Variants in ROBO1 observed in about 807,000 individuals in gnomAD.
ROBO1 encodes roundabout homolog 1.
Under a neutral mutation model 195.9 loss-of-function variants are expected in ROBO1, and 149 were observed. The ratio of observed to expected loss-of-function variants is 0.76; its 90% CI spans 0.67 to 0.87. The LOEUF is 0.87. Among genes scored for constraint, ROBO1 ranks in the 40% least tolerant of loss-of-function variants. The pLI is 0.00. For synonymous variants in ROBO1, 816 were observed against 733.2 expected (o/e 1.11, Z -1.82); for missense variants, 1,933 against 2,068.3 (o/e 0.93, Z 1.27).
At chr3:79,212,336 C>T (rs1026252067) in intron 2 of ROBO1, among the ~76,000 whole-genome samples, 3 of 152,188 alleles carry the variant, frequency 2.0e-5, no homozygotes, top group Non-Finnish European at 4.4e-5. Flanking sequence ...AATACTCAGC[C>T]TCTCTTGACT....
chr3:78,881,523 A>C (rs1195899142), intron 4 of ROBO1, among the ~76,000 whole-genome samples: 4 of 152,316 alleles, frequency 2.6e-5, no homozygotes, highest in Non-Finnish European at 5.9e-5. Flanking sequence ...AATTTTGAAG[A>C]GTATGGTTAT....
At chr3:79,411,939 A>G (rs1228511913) in intron 2 of ROBO1, among the ~76,000 whole-genome samples, 2 of 152,218 alleles carry the variant, frequency 1.3e-5, no homozygotes, top group Non-Finnish European at 1.5e-5. Context: ...TCACCTTTCC[A>G]CCTTGACCCA....
intron 3 of ROBO1, among the ~76,000 whole-genome samples, chr3:79,043,495 T>C (rs980795055): frequency 2.0e-5 from 3 of 152,058 alleles, no homozygotes; most frequent in Non-Finnish European, 4.4e-5. Context: ...CTTAGGGTAA[T>C]CTAAATAGTG....
chr3:79,183,297 T>C (rs748471277), intron 2 of ROBO1, among the ~76,000 whole-genome samples: 39 of 152,180 alleles, frequency 2.6e-4, no homozygotes, highest in Non-Finnish European at 5.0e-4. Flanking sequence ...TTAGGTCCAG[T>C]TCTCTCTTTG....
chr3:79,596,950 G>A (rs1279294362), intron 1 of ROBO1, among the ~76,000 whole-genome samples: 2 of 151,936 alleles, frequency 1.3e-5, no homozygotes, highest in African/African-American at 4.8e-5. Context: ...TTACAAACAA[G>A]TCTAATTGGT....
chr3:79,092,871 TA>T (rs2079504472), intron 3 of ROBO1, among the ~76,000 whole-genome samples: 1 of 152,148 alleles, frequency 6.6e-6, no homozygotes, highest in Non-Finnish European at 1.5e-5. Context: ...ATAATTAGAA[TA>T]ATCAGTAATT....
intron 3 of ROBO1, among the ~76,000 whole-genome samples, chr3:78,954,625 G>A (rs1228718326): frequency 6.6e-6 from 1 of 151,928 alleles, no homozygotes; most frequent in Admixed American, 6.6e-5. Flanking sequence ...GGTGGTCCCA[G>A]GATTTTTTTT....
At chr3:78,984,598 G>T (rs1435007117) in intron 3 of ROBO1, among the ~76,000 whole-genome samples, 2 of 152,168 alleles carry the variant, frequency 1.3e-5, no homozygotes, top group Non-Finnish European at 2.9e-5. Context: ...TCTCAGAGCG[G>T]TATGATGAGT....
intron 26 of ROBO1, among the ~76,000 whole-genome samples, chr3:78,625,293 T>C (rs1467765817): frequency 1.3e-5 from 2 of 152,186 alleles, no homozygotes; most frequent in Non-Finnish European, 2.9e-5. Context: ...AAAAACTAAA[T>C]AGGAGGATAA....
chr3:79,684,404 CT>C (rs1240226881), intron 1 of ROBO1, among the ~76,000 whole-genome samples: 1 of 151,918 alleles, frequency 6.6e-6, no homozygotes, highest in East Asian at 1.9e-4. Flanking sequence ...TCCTACATTT[CT>C]TTTTCTTTAC....
intron 2 of ROBO1, among the ~76,000 whole-genome samples, chr3:79,469,174 G>A (rs751717481): frequency 1.1e-4 from 16 of 151,872 alleles, no homozygotes; most frequent in Non-Finnish European, 1.9e-4. Flanking sequence ...GAGAAAGAAT[G>A]GTTTATAAAG....
rs1461353636 is a variant in ROBO1, at chr3:78,688,570, T to C, written c.1170+78A>G. 4 of 1,391,274 alleles carry C rather than the reference T, an allele frequency of 2.9e-6. No homozygotes were observed. The Admixed American group carries it at 1.1e-4, about 38-fold the overall frequency. 86.2% of individuals were successfully genotyped at this position (1,391,274 alleles called of 1,614,324 possible). A position where few individuals can be genotyped will look rare whatever the true frequency, so the allele number is the denominator to read the frequency against. ...ATGTGACAGCTGCATGACTAAGTAA[T>C]ATGTTGGTTTTTCTTCTCATACATC... On this transcript the variant is annotated intron_variant, in intron 9 of 30. Transcript: ENST00000464233.
chr3:79,088,500 G>T (rs911232961), intron 3 of ROBO1, among the ~76,000 whole-genome samples: 2 of 151,948 alleles, frequency 1.3e-5, no homozygotes, highest in African/African-American at 4.8e-5. Context: ...TGTATATACC[G>T]GATTGTTATA....
chr3:78,784,145 A>T (rs1266945743), intron 4 of ROBO1, among the ~76,000 whole-genome samples: 2 of 152,174 alleles, frequency 1.3e-5, no homozygotes, highest in African/African-American at 4.8e-5. Context: ...ATAACAAAAC[A>T]TTAATAACTA....
intron 2 of ROBO1, among the ~76,000 whole-genome samples, chr3:79,151,823 C>T (rs1211831586): frequency 6.6e-6 from 1 of 151,680 alleles, no homozygotes; most frequent in Non-Finnish European, 1.5e-5. Flanking sequence ...TGGAACTCAC[C>T]ACTCTTGTCT....
intron 4 of ROBO1, among the ~76,000 whole-genome samples, chr3:78,842,028 A>G (rs2033240560): frequency 6.6e-6 from 1 of 151,456 alleles, no homozygotes; most frequent in Admixed American, 6.6e-5. Flanking sequence ...CCTTTGAACT[A>G]TCTTCCTGCC....
intron 2 of ROBO1, among the ~76,000 whole-genome samples, chr3:79,137,456 G>A (rs908160734): frequency 6.6e-6 from 1 of 151,550 alleles, no homozygotes; most frequent in Non-Finnish European, 1.5e-5. Context: ...TCTGGTTTAG[G>A]TGATTAGATA....
At chr3:79,679,194 C>T (rs1946871435) in intron 1 of ROBO1, among the ~76,000 whole-genome samples, 1 of 151,836 alleles carries the variant, frequency 6.6e-6, no homozygotes, top group African/African-American at 2.4e-5. Flanking sequence ...ATATTGAATG[C>T]TTTTTATTTC....
intron 4 of ROBO1, among the ~76,000 whole-genome samples, chr3:78,855,341 G>A (rs147471646): frequency 7.7e-4 from 117 of 152,210 alleles, no homozygotes; most frequent in Non-Finnish European, 1.0e-3. Context: ...CTTGATTAAC[G>A]TAAGTCTACT....
Sources: gnomAD v4.1 joint callset for allele counts (sites outside exome capture counted in the v4.1 genomes callset) on GRCh38, gnomAD v4.1.1 for gene constraint, MANE v1.5 for transcripts, NCBI Gene and HGNC (gene_info 2026-07-23, HGNC 2026-07-21) for gene names.